ABCA9: variants seen among roughly 807,000 people sequenced by gnomAD.
ABCA9 encodes ATP-binding cassette sub-family A member 9.
ABCA9 carries 183 observed loss-of-function variants against 205.3 expected under a neutral mutation model. The ratio of observed to expected loss-of-function variants is 0.89; its 90% CI spans 0.79 to 1.01. ABCA9 has a LOEUF of 1.01. Among genes scored for constraint, ABCA9 ranks in the 50% least tolerant of loss-of-function variants. The probability of loss-of-function intolerance (pLI) is 0.00; values close to 1 mark genes in which losing one functional copy is unlikely to be tolerated. For missense variants in ABCA9, 1,805 were observed against 1,912.4 expected, an observed-to-expected ratio of 0.94 and a Z score of 1.05; for synonymous variants, 651 against 683.3, an observed-to-expected ratio of 0.95 and a Z score of 0.74.
In ABCA9 at chr17:69,035,592, G is replaced by T. The variant is rs2071306357; in HGVS notation, c.942+68C>A. 4.5e-6 allele frequency: 7 copies of T among 1,571,300 alleles called. No homozygotes were observed. The South Asian group carries it at 7.0e-5, about 16-fold the overall frequency. On this transcript the variant is annotated intron_variant, in intron 7 of 38. Transcript: ENST00000340001. ...AACAAAAGAGGTGAGACCAGAATTA[G>T]TGATAAATTATTGGCAGTAGAGAGA...
At chr17:69,054,521 T>A in intron 1 of ABCA9, among the ~76,000 whole-genome samples, 1 of 139,822 alleles carries the variant, frequency 7.2e-6, no homozygotes. Context: ...AGTGAGACCC[T>A]CTCTCAAAAA....
Position 68,984,997 on chromosome 17 carries a change from G to A in ABCA9, c.4285-18C>T. Reference sequence around the variant, plus strand: ...AAGCACAGCTGCAACGGGAGGAACAGCCCCTCTGGTTCCCATCTACGGCAC... The same window carrying A: ...AAGCACAGCTGCAACGGGAGGAACAACCCCTCTGGTTCCCATCTACGGCAC... On this transcript the variant is annotated intron_variant, in intron 33 of 38. Transcript: ENST00000340001. 1 of 1,614,220 alleles carries A rather than the reference G, an allele frequency of 6.2e-7. No homozygotes were observed. Among genetic ancestry groups the A allele is most frequent in the Non-Finnish European group, 8.5e-7 (1 of 1,180,038 alleles).
In ABCA9 at chr17:69,029,177, G is replaced by A; in HGVS notation, c.1496C>T (p.Ala499Val). The stretch of plus-strand genomic sequence containing the variant: ...AAATATTATTTTATTACCTTTCAAA[G>A]CTTCTACTCTCTCACACTTCCCTGC... ...EYAGKCERVE[A>V]LKGVVFDIYE... Residue 499 changes from alanine to valine, a missense_variant, in exon 11 of 39, where the codon GCT becomes GTT. Coordinates refer to ENST00000340001, the MANE Select transcript of ABCA9 (RefSeq NM_080283.4). 1.3e-6 allele frequency: 2 copies of A among 1,548,020 alleles called. No individual in the cohort carries two copies. The highest frequency in any genetic ancestry group is 1.8e-6 in the Non-Finnish European group (2 of 1,134,918).
At chr17:69,066,257 T>C in the ABCA9 span, among the ~76,000 whole-genome samples, 11 of 152,254 alleles carry the variant, frequency 7.2e-5, no homozygotes, top group African/African-American at 2.4e-4. Context: ...AACTGAAGGG[T>C]ACAAAATCAT....
intron 2 of ABCA9, 69 bp from the exon 3 acceptor site, chr17:69,049,559 C>G (rs1295257774): frequency 5.5e-6 from 7 of 1,281,748 alleles, no homozygotes; most frequent in Non-Finnish European, 7.6e-6. Context: ...CATCCACAAA[C>G]AGTTTGAAAT....
At chr17:69,070,633 G>C in the ABCA9 span, among the ~76,000 whole-genome samples, 1 of 152,356 alleles carries the variant, frequency 6.6e-6, no homozygotes, top group South Asian at 2.1e-4. Context: ...TACACCACCA[G>C]GGCCCTGAGT....
chr17:69,024,177 A>G, intron 17 of ABCA9, 37 bp downstream of exon 17: 2 of 1,607,768 alleles, frequency 1.2e-6, no homozygotes, highest in African/African-American at 1.3e-5. Context: ...TAATAACACC[A>G]TTCCAAAACC....
At chr17:69,019,892 T>A (rs1308430017) in intron 19 of ABCA9, 1 of 152,976 alleles carries the variant, frequency 6.5e-6, no homozygotes, top group African/African-American at 2.4e-5. Flanking sequence ...TTTCCAGTCT[T>A]CCAACTACAG....
At chr17:69,017,593 T>G in intron 21 of ABCA9, 63 bp downstream of exon 21, 1 of 1,574,758 alleles carries the variant, frequency 6.4e-7, no homozygotes, top group Non-Finnish European at 8.6e-7. Context: ...CTGATATGAA[T>G]TATTCAAATT....
chr17:68,999,350 C>T (rs1334000222), intron 25 of ABCA9, among the ~76,000 whole-genome samples: 2 of 135,798 alleles, frequency 1.5e-5, no homozygotes, highest in African/African-American at 5.6e-5. Context: ...TTGTTCAATT[C>T]CCACCTATGA....
intron 25 of ABCA9, among the ~76,000 whole-genome samples, chr17:69,005,942 G>C (rs2070110521): frequency 6.6e-6 from 1 of 152,096 alleles, no homozygotes; most frequent in Non-Finnish European, 1.5e-5. Flanking sequence ...TTTAGGTCTA[G>C]AACTTGACTT....
intron 6 of ABCA9, among the ~76,000 whole-genome samples, chr17:69,038,435 T>TC (rs1457938932): frequency 1.3e-5 from 2 of 152,024 alleles, no homozygotes; most frequent in African/African-American, 4.8e-5. Flanking sequence ...ATAAATGTAA[T>TC]CCATCATATA....
intron 25 of ABCA9, among the ~76,000 whole-genome samples, chr17:69,000,669 C>CATTG (rs2069828470): frequency 1.3e-5 from 2 of 150,804 alleles, no homozygotes; most frequent in South Asian, 2.1e-4. Flanking sequence ...TGAAGAAAGG[C>CATTG]ATTGGTAGCT....
chr17:69,010,717 A>G (rs779340804), intron 23 of ABCA9, among the ~76,000 whole-genome samples: 2 of 152,178 alleles, frequency 1.3e-5, no homozygotes, highest in Admixed American at 1.3e-4. Flanking sequence ...GATGACTTAG[A>G]CCACGAAGAA....
intron 6 of ABCA9, among the ~76,000 whole-genome samples, chr17:69,040,401 G>A (rs1255038098): frequency 6.6e-6 from 1 of 152,186 alleles, no homozygotes; most frequent in Non-Finnish European, 1.5e-5. Flanking sequence ...CATGTCAATT[G>A]CAGAGACATG....
chr17:69,024,155 C>T (rs906045042), intron 17 of ABCA9, 59 bp downstream of exon 17: 29 of 1,557,760 alleles, frequency 1.9e-5, no homozygotes, highest in Non-Finnish European at 2.4e-5. Flanking sequence ...TTCTTATCAC[C>T]ACTGTTATTG....
chr17:68,982,410 C>T, intron 37 of ABCA9, 152 bp downstream of exon 37: 1 of 626,112 alleles, frequency 1.6e-6, no homozygotes. Flanking sequence ...CCAAATCACC[C>T]CTTATGGAAA....
rs781160214 is a variant in ABCA9, at chr17:68,989,141, G to GAAAT, written c.3956-27_3956-24dup. The GAAAT allele has an allele frequency of 7.6e-6, 11 of 1,456,946 alleles. No individual in the cohort carries two copies. The African/African-American group carries it at 1.1e-4, about 15-fold the overall frequency. 90.3% of individuals were successfully genotyped at this position (1,456,946 alleles called of 1,614,324 possible). The stretch of plus-strand genomic sequence containing the variant: ...CACCTGAAAGAAAGTGGTATGCTCA[G>GAAAT]AAATATACAAATAATTGCAACAAAA... On this transcript the variant is annotated intron_variant, in intron 30 of 38. Transcript: ENST00000340001.
chr17:69,020,873 A>G (rs759328030), intron 18 of ABCA9: 21 of 291,908 alleles, frequency 7.2e-5, no homozygotes, highest in Middle Eastern at 1.1e-3. Flanking sequence ...AAAACTCATT[A>G]AGAAATCTAT....
Sources: allele counts gnomAD v4.1 joint callset (sites outside exome capture counted in the v4.1 genomes callset), GRCh38; gene constraint gnomAD v4.1.1; transcripts MANE v1.5; gene names NCBI Gene and HGNC (gene_info 2026-07-23, HGNC 2026-07-21).